HECW1: variants seen among roughly 807,000 people sequenced by gnomAD.
The protein encoded by HECW1 is E3 ubiquitin-protein ligase HECW1.
Under a neutral mutation model 182.3 loss-of-function variants are expected in HECW1, and 61 were observed. The observed-to-expected ratio is 0.33, with a 90% CI of 0.27 to 0.41. HECW1 has a LOEUF of 0.41. HECW1 is among the 10% of genes least tolerant of loss of function. HECW1 has a pLI of 1.00. For missense variants in HECW1, 1,739 were observed against 2,108.9 expected, an observed-to-expected ratio of 0.82 and a Z score of 3.44; for synonymous variants, 859 against 832.6, an observed-to-expected ratio of 1.03 and a Z score of -0.55.
rs147795658 is a variant in HECW1, at chr7:43,119,454, G to A, written c.-32+5063G>A. Among the ~76,000 whole-genome samples the A allele has an allele frequency of 2.2e-4, 34 of 152,292 alleles. 1 individual carries two copies. The East Asian group carries it at 4.6e-3, about 21-fold the overall frequency. On this transcript the variant is annotated intron_variant, in intron 2 of 29. Coordinates refer to ENST00000395891, the MANE Select transcript of HECW1 (RefSeq NM_015052.5). Reference sequence around the variant, plus strand: ...GTTTTTATCCCGATTGATCTCAACTGAATTTTGACCTTTAAATGCGGGTAC... The same window carrying A: ...GTTTTTATCCCGATTGATCTCAACTAAATTTTGACCTTTAAATGCGGGTAC...
At chr7:43,442,168 T>C (rs993095380) in intron 9 of HECW1, among the ~76,000 whole-genome samples, 3 of 152,234 alleles carry the variant, frequency 2.0e-5, no homozygotes, top group African/African-American at 7.2e-5. Context: ...CAATACTTTA[T>C]TATAAAATAG....
chr7:43,394,246 G>T (rs2075148359), intron 6 of HECW1, among the ~76,000 whole-genome samples: 1 of 152,128 alleles, frequency 6.6e-6, no homozygotes, highest in South Asian at 2.1e-4. Flanking sequence ...AGAAAAGCAT[G>T]GTCTAGCCTG....
At chr7:43,451,792 A>AT (rs747183123) in intron 12 of HECW1, among the ~76,000 whole-genome samples, 1 of 152,132 alleles carries the variant, frequency 6.6e-6, no homozygotes. Context: ...GGTTTTGCTT[A>AT]TTTTTCAAGC....
chr7:43,214,679 A>G (rs1047723875), intron 2 of HECW1, among the ~76,000 whole-genome samples: 1 of 152,172 alleles, frequency 6.6e-6, no homozygotes, highest in Non-Finnish European at 1.5e-5. Flanking sequence ...TCATAAAAGG[A>G]CTGTTGACCA....
intron 3 of HECW1, among the ~76,000 whole-genome samples, chr7:43,300,063 C>T (rs888868546): frequency 2.0e-5 from 3 of 152,190 alleles, no homozygotes; most frequent in Non-Finnish European, 4.4e-5. Context: ...GTCTTTGCCT[C>T]GTTGTGATTT....
At chr7:43,505,981 C>T (rs993865840) in intron 21 of HECW1, among the ~76,000 whole-genome samples, 1 of 152,120 alleles carries the variant, frequency 6.6e-6, no homozygotes, top group African/African-American at 2.4e-5. Context: ...TGATTCTGAC[C>T]ACCTTTAAAA....
chr7:43,555,333 C>T (rs1421491566), intron 29 of HECW1, among the ~76,000 whole-genome samples: 1 of 152,128 alleles, frequency 6.6e-6, no homozygotes, highest in Non-Finnish European at 1.5e-5. Context: ...GAAAAGGAGA[C>T]GCTGGGGCTC....
At chr7:43,162,538 T>C (rs909322868) in intron 2 of HECW1, among the ~76,000 whole-genome samples, 2 of 152,264 alleles carry the variant, frequency 1.3e-5, no homozygotes, top group Non-Finnish European at 2.9e-5. Flanking sequence ...GATGAACTTT[T>C]ATCTCAAGAT....
At chr7:43,446,321 G>A (rs1453458878) in intron 11 of HECW1, among the ~76,000 whole-genome samples, 2 of 152,208 alleles carry the variant, frequency 1.3e-5, no homozygotes, top group Non-Finnish European at 2.9e-5. Context: ...TCTTAGTCAT[G>A]CCTGTGGAAT....
intron 8 of HECW1, among the ~76,000 whole-genome samples, chr7:43,408,682 T>A (rs754063948): frequency 2.0e-5 from 3 of 151,974 alleles, no homozygotes; most frequent in Non-Finnish European, 4.4e-5. Context: ...CGAGACCCTG[T>A]CTCTAAAAAA....
Position 43,214,606 on chromosome 7 carries a change from A to G in HECW1, c.-31-29269A>G, listed in dbSNP as rs529694494. On this transcript the variant is annotated intron_variant, in intron 2 of 29. Transcript: ENST00000395891. ...GGTGGTGGTGGTGGTGATCGTTACT[A>G]TGTCAGTCAGGATCCAATCAGGAAA... 9.2e-5 allele frequency among the ~76,000 whole-genome samples: 14 copies of G among 152,272 alleles called. No individual in the cohort carries two copies. In the South Asian group the frequency reaches 2.5e-3, roughly 27 times the overall value.
chr7:43,407,995 G>A (rs762553498), intron 8 of HECW1, among the ~76,000 whole-genome samples: 2 of 152,146 alleles, frequency 1.3e-5, no homozygotes, highest in Non-Finnish European at 2.9e-5. Context: ...CGAGCAGGAC[G>A]GCCTTTCCCT....
At chr7:43,159,158 T>G (rs1790220052) in intron 2 of HECW1, among the ~76,000 whole-genome samples, 1 of 146,806 alleles carries the variant, frequency 6.8e-6, no homozygotes. Context: ...TTTTTATTTT[T>G]CAATTTTTTT....
chr7:43,213,239 A>G (rs1796150934), intron 2 of HECW1, among the ~76,000 whole-genome samples: 1 of 152,044 alleles, frequency 6.6e-6, no homozygotes, highest in Admixed American at 6.5e-5. Context: ...ACGTTCATCA[A>G]ACTGAAGCAG....
chr7:43,136,443 T>G (rs1340425076), intron 2 of HECW1, among the ~76,000 whole-genome samples: 1 of 152,180 alleles, frequency 6.6e-6, no homozygotes, highest in Non-Finnish European at 1.5e-5. Flanking sequence ...GAGAGCACAC[T>G]CCTTCCTCAG....
At chr7:43,130,506 A>G (rs1000939878) in intron 2 of HECW1, among the ~76,000 whole-genome samples, 2 of 152,110 alleles carry the variant, frequency 1.3e-5, no homozygotes, top group Admixed American at 1.3e-4. Flanking sequence ...ATCATTCCTG[A>G]CTCAGAATTT....
chr7:43,116,748 A>G (rs1313823060), intron 2 of HECW1, among the ~76,000 whole-genome samples: 2 of 152,240 alleles, frequency 1.3e-5, no homozygotes, highest in Admixed American at 6.5e-5. Context: ...ATGTTCACGG[A>G]CTTTTAGAGA....
intron 3 of HECW1, among the ~76,000 whole-genome samples, chr7:43,262,080 G>C (rs1325034811): frequency 1.3e-5 from 2 of 152,076 alleles, no homozygotes; most frequent in Non-Finnish European, 2.9e-5. Context: ...AATTAGCCAA[G>C]CATGGTGGAA....
chr7:43,387,708 G>A (rs2074854437), intron 6 of HECW1, among the ~76,000 whole-genome samples: 1 of 152,158 alleles, frequency 6.6e-6, no homozygotes, highest in South Asian at 2.1e-4. Flanking sequence ...ATCTAACAAA[G>A]GGCAACAGAT....
Sources: allele counts gnomAD v4.1 joint callset (sites outside exome capture counted in the v4.1 genomes callset), GRCh38; gene constraint gnomAD v4.1.1; transcripts MANE v1.5; gene names NCBI Gene and HGNC (gene_info 2026-07-23, HGNC 2026-07-21).